The following BRWD1 variants were observed in gnomAD, a reference collection of about 807,000 sequenced individuals.
BRWD1 encodes bromodomain and WD repeat domain containing 1, also known as bromodomain and WD repeat-containing protein 1.
Under a neutral mutation model 251.2 loss-of-function variants are expected in BRWD1, and 82 were observed. The observed-to-expected ratio is 0.33, with a 90% CI of 0.27 to 0.39. The LOEUF (loss-of-function observed/expected upper bound fraction) is 0.39. Among genes scored for constraint, BRWD1 ranks in the 10% least tolerant of loss-of-function variants. BRWD1 has a pLI of 1.00. For synonymous variants in BRWD1, 918 were observed against 902.8 expected (o/e 1.02, Z -0.30); for missense variants, 2,233 against 2,711.6 (o/e 0.82, Z 3.92).
chr21:39,237,775 T>A (rs763777924), intron 22 of BRWD1, among the ~76,000 whole-genome samples: 47 of 152,150 alleles, frequency 3.1e-4, no homozygotes, highest in Non-Finnish European at 2.4e-4. Context: ...AGTACTGAAC[T>A]GCATGCTTTA....
chr21:39,225,138 C>G lies in BRWD1; in HGVS notation c.3268G>C (p.Glu1090Gln). The part of the protein sequence containing the change: ...AWWFGTVLSQ[E>Q]PYQPQYPDSH... ...TCAGGATACTGTGGTTGATATGGCT[C>G]TTGACTTAACACTGTTCCAAACCAC... Residue 1090 changes from glutamate to glutamine, a missense_variant, in exon 28 of 41, where the codon GAG becomes CAG. Glu to Gln is a conservative substitution (Grantham distance 29). This residue lies in a region of BRWD1 where 139 missense variants were observed against 272.8 expected (regional missense o/e 0.51). Transcript: ENST00000342449. 1 of 1,613,602 alleles carries G rather than the reference C, an allele frequency of 6.2e-7. No homozygotes were observed. Among genetic ancestry groups the G allele is most frequent in the Non-Finnish European group, 8.5e-7 (1 of 1,179,688 alleles).
Position 39,215,259 on chromosome 21 carries a change from C to A in BRWD1, c.3763G>T (p.Asp1255Tyr). The A allele has an allele frequency of 6.2e-7, 1 of 1,611,990 alleles. No homozygotes were observed. Among genetic ancestry groups the A allele is most frequent in the South Asian group, 1.1e-5 (1 of 90,958 alleles). The change falls in exon 32 of 41, where the codon GAC becomes TAC. Residue 1255 changes from aspartate to tyrosine, a missense_variant. Asp to Tyr is a radical substitution (Grantham distance 160). Around this residue, in one of 12 missense-constraint regions of BRWD1, gnomAD observed 167 missense variants for 183.2 expected, o/e 0.91. Transcript: ENST00000342449. ...TACTTGATAAATTTTAAAAGTTGGT[C>A]AGTTATCTTTTTAGCTGATCTTGCA... ...VIARSAKKITDQLLKFIKNQH... is the reference protein window; with the variant it reads ...VIARSAKKITYQLLKFIKNQH...
At chr21:39,305,607 G>A (rs2036260426) in intron 4 of BRWD1, among the ~76,000 whole-genome samples, 1 of 152,110 alleles carries the variant, frequency 6.6e-6, no homozygotes, top group South Asian at 2.1e-4. Context: ...GCTCACACCT[G>A]TAATTCCAGC....
rs1418470087 is a variant in BRWD1 at position 39,190,655 on chromosome 21, A to G, written c.*5604T>C. The G allele has an allele frequency of 2.0e-6, 2 of 985,268 alleles. No individual in the cohort carries two copies. Among genetic ancestry groups the G allele is most frequent in the African/African-American group, 1.7e-5 (1 of 57,218 alleles). The allele number at this position is 985,268 out of a possible 1,614,324, so 61.0% of individuals were successfully genotyped here. ...AGAAAGCAAATAACATTTATCAATG[A>G]TCTTCATCCCTCCCAAAGCAGAAGT... On this transcript the variant is annotated 3_prime_UTR_variant, in exon 41 of 41. Coordinates refer to ENST00000342449, the MANE Select transcript of BRWD1 (RefSeq NM_033656.4).
At chr21:39,290,535 A>G (rs1568958810) in intron 8 of BRWD1, among the ~76,000 whole-genome samples, 1 of 152,034 alleles carries the variant, frequency 6.6e-6, no homozygotes, top group Non-Finnish European at 1.5e-5. Flanking sequence ...TAGATTGTTC[A>G]GATATATTCA....
chr21:39,273,735 T>C (rs1843207637), intron 13 of BRWD1, among the ~76,000 whole-genome samples: 1 of 152,148 alleles, frequency 6.6e-6, no homozygotes, highest in African/African-American at 2.4e-5. Flanking sequence ...GCCTGGGCGA[T>C]GGAGTGAGAC....
At chr21:39,184,298 C>T (rs2031084866), downstream of BRWD1, 1 of 152,182 alleles carries the variant, frequency 6.6e-6, no homozygotes, top group South Asian at 2.1e-4. Context: ...TAAAGTTGGC[C>T]ATTTTCTAAT....
intron 4 of BRWD1, chr21:39,312,445 C>A: frequency 5.8e-6 from 1 of 171,414 alleles, no homozygotes; most frequent in Non-Finnish European, 1.3e-5. Flanking sequence ...GGGACAGACC[C>A]GGGCGGGGCA....
intron 5 of BRWD1, 172 bp downstream of exon 5, chr21:39,298,258 AAC>A: frequency 1.6e-6 from 2 of 1,269,052 alleles, no homozygotes; most frequent in Non-Finnish European, 2.0e-6. Flanking sequence ...GGACCCATTA[AAC>A]ACTTATGTAA....
chr21:39,298,742 C>T (rs537843974), intron 4 of BRWD1, among the ~76,000 whole-genome samples, 160 bp from the exon 5 acceptor site: 32 of 152,170 alleles, frequency 2.1e-4, no homozygotes, highest in Non-Finnish European at 4.4e-4. Context: ...AGCTGATCTA[C>T]AGATTTGAGC....
At chr21:39,304,783 C>T (rs1366345269) in intron 4 of BRWD1, among the ~76,000 whole-genome samples, 4 of 151,884 alleles carry the variant, frequency 2.6e-5, no homozygotes, top group African/African-American at 7.3e-5. Flanking sequence ...GTTGGTGTGG[C>T]TATATTAATG....
intron 21 of BRWD1, among the ~76,000 whole-genome samples, chr21:39,238,990 TG>T (rs1422195194): frequency 3.3e-5 from 5 of 152,222 alleles, no homozygotes; most frequent in African/African-American, 1.2e-4. Context: ...TTATCTTCTT[TG>T]GTGAGGTGTC....
chr21:39,215,150 C>T, intron 32 of BRWD1, 87 bp downstream of exon 32: 1 of 1,376,462 alleles, frequency 7.3e-7, no homozygotes, highest in Non-Finnish European at 1.0e-6. Flanking sequence ...GATTAACAGG[C>T]ATGAGCCACC....
intron 39 of BRWD1, 110 bp from the exon 40 acceptor site, chr21:39,199,772 C>A: frequency 2.7e-6 from 3 of 1,107,804 alleles, no homozygotes; most frequent in Non-Finnish European, 3.7e-6. Context: ...GGGGAGGAGA[C>A]GGAGTTTCGC....
intron 13 of BRWD1, among the ~76,000 whole-genome samples, chr21:39,272,309 TAAA>T (rs1224051854): frequency 1.5e-5 from 2 of 132,908 alleles, no homozygotes; most frequent in Non-Finnish European, 1.6e-5. Flanking sequence ...CTTAAATAAA[TAAA>T]AAAAAAAAAA....
intron 9 of BRWD1, among the ~76,000 whole-genome samples, chr21:39,279,257 C>T (rs1334339377): frequency 1.3e-5 from 2 of 152,142 alleles, no homozygotes; most frequent in Non-Finnish European, 2.9e-5. Flanking sequence ...AATTTGACAA[C>T]TCAATTTTTA....
At chr21:39,278,427 A>C (rs1325964933) in intron 10 of BRWD1, 1 of 277,294 alleles carries the variant, frequency 3.6e-6, no homozygotes, top group Non-Finnish European at 6.6e-6. Context: ...TACACAGTTT[A>C]GCCTATTCAA....
intron 22 of BRWD1, among the ~76,000 whole-genome samples, chr21:39,238,142 A>C (rs1315299623): frequency 1.3e-5 from 2 of 152,154 alleles, no homozygotes; most frequent in Admixed American, 6.5e-5. Context: ...CAAAACTAAC[A>C]AAAATTCAAC....
chr21:39,206,652 G>A (rs756392313), intron 36 of BRWD1, among the ~76,000 whole-genome samples: 4 of 152,156 alleles, frequency 2.6e-5, no homozygotes, highest in African/African-American at 4.8e-5. Context: ...CTACAAAAGC[G>A]CTGTCTTTCT....
Sources: gnomAD v4.1 joint callset for allele counts (sites outside exome capture counted in the v4.1 genomes callset) on GRCh38, gnomAD v4.1.1 for gene constraint, gnomAD v4.1.1 regional missense constraint, MANE v1.5 for transcripts, NCBI Gene and HGNC (gene_info 2026-07-23, HGNC 2026-07-21) for gene names.